CNTN3: variants seen among roughly 807,000 people sequenced by gnomAD.
The protein encoded by CNTN3 is contactin 3.
In CNTN3, 60 loss-of-function variants were observed where a neutral mutation model predicts 119.1. The ratio of observed to expected loss-of-function variants is 0.50; its 90% confidence interval spans 0.41 to 0.62. The LOEUF is 0.62. Ranked by LOEUF, CNTN3 falls within the 20% of genes least tolerant of loss-of-function variation. CNTN3 has a pLI of 0.00. For missense variants in CNTN3, 1,101 were observed against 1,242.4 expected, an observed-to-expected ratio of 0.89 and a Z score of 1.71; for synonymous variants, 450 against 438.7, an observed-to-expected ratio of 1.03 and a Z score of -0.32.
chr3:74,523,092 T>C (rs1204629186), intron 1 of CNTN3, among the ~76,000 whole-genome samples: 3 of 151,796 alleles, frequency 2.0e-5, no homozygotes, highest in Admixed American at 1.3e-4. Flanking sequence ...CCTTCCTTTC[T>C]TCCTTCCTTC....
chr3:74,426,240 GT>G (rs1329669783), intron 4 of CNTN3, among the ~76,000 whole-genome samples: 1 of 152,092 alleles, frequency 6.6e-6, no homozygotes, highest in East Asian at 1.9e-4. Flanking sequence ...GAATTACACC[GT>G]TAATATACTC....
chr3:74,298,094 G>A lies in CNTN3; in HGVS notation c.2264C>T (p.Ser755Phe). The part of the protein sequence containing the change: ...VTTWIQTVVT[S>F]PDTPRYVFRN... Reference sequence around the variant, plus strand: ...AAAGACATATCTTGGGGTGTCAGGGGATGTCACCACTGTCTGGATCCAGGT... The same window carrying A: ...AAAGACATATCTTGGGGTGTCAGGGAATGTCACCACTGTCTGGATCCAGGT... The change falls in exon 18 of 23, where the codon TCC becomes TTC. Residue 755 changes from serine to phenylalanine, a missense_variant. Coordinates refer to ENST00000263665, the MANE Select transcript of CNTN3 (RefSeq NM_020872.3). 6.2e-7 allele frequency: 1 copy of A among 1,613,774 alleles called. No individual in the cohort carries two copies. Among genetic ancestry groups the A allele is most frequent in the South Asian group, 1.1e-5 (1 of 91,058 alleles).
At chr3:74,531,443 T>G (rs1203175100) in intron 1 of CNTN3, among the ~76,000 whole-genome samples, 1 of 151,912 alleles carries the variant, frequency 6.6e-6, no homozygotes. Context: ...ACGGGGGATA[T>G]CACAGCACCA....
chr3:74,579,176 A>G (rs1457380143), intron 1 of CNTN3, among the ~76,000 whole-genome samples: 1 of 117,810 alleles, frequency 8.5e-6, no homozygotes, highest in Non-Finnish European at 1.9e-5. Flanking sequence ...CCATAATGAT[A>G]AAAAAAATCA....
intron 1 of CNTN3, among the ~76,000 whole-genome samples, chr3:74,531,287 GTT>G (rs1298442426): frequency 1.3e-5 from 2 of 151,926 alleles, no homozygotes; most frequent in Non-Finnish European, 2.9e-5. Flanking sequence ...GGCTACCTGA[GTT>G]TTCATCTGCA....
At chr3:74,334,475 AC>A (rs1157539702) in intron 13 of CNTN3, among the ~76,000 whole-genome samples, 34 of 152,356 alleles carry the variant, frequency 2.2e-4, no homozygotes, top group Non-Finnish European at 4.7e-4. Flanking sequence ...CATTAACAAA[AC>A]AAAGTAATGA....
At chr3:74,561,186 TA>T (rs922360158) in intron 1 of CNTN3, among the ~76,000 whole-genome samples, 10 of 148,952 alleles carry the variant, frequency 6.7e-5, no homozygotes, top group African/African-American at 2.3e-4. Flanking sequence ...AAAAAAAAAA[TA>T]AAAAAAAATA....
At chr3:74,344,749 C>T (rs957097315) in intron 11 of CNTN3, among the ~76,000 whole-genome samples, 2 of 152,038 alleles carry the variant, frequency 1.3e-5, no homozygotes, top group African/African-American at 2.4e-5. Context: ...GTTGAGACAC[C>T]GCGCCCGGCC....
rs184775572 is a variant in CNTN3 at position 74,358,076 on chromosome 3, G to A, written c.1364+3814C>T. On this transcript the variant is annotated intron_variant, in intron 11 of 22. Transcript: ENST00000263665. ...GTGGACTTGGAGAAGGTTCAAGTCC[G>A]CAACTTGTTCGATAATTGCTTCTAG... is the stretch of plus-strand genomic sequence containing the variant. Among the ~76,000 whole-genome samples the A allele has an allele frequency of 5.5e-4, 83 of 152,260 alleles. No individual in the cohort carries two copies. In the East Asian group the frequency reaches 0.014, roughly 26 times the overall value.
At chr3:74,464,762 T>A (rs1334439058) in intron 4 of CNTN3, among the ~76,000 whole-genome samples, 1 of 152,214 alleles carries the variant, frequency 6.6e-6, no homozygotes, top group African/African-American at 2.4e-5. Flanking sequence ...AAATCAGTCA[T>A]TTGTGCTGTT....
intron 11 of CNTN3, among the ~76,000 whole-genome samples, chr3:74,359,735 A>G (rs1704038243): frequency 6.6e-6 from 1 of 152,158 alleles, no homozygotes; most frequent in Non-Finnish European, 1.5e-5. Flanking sequence ...GCCTCTACCT[A>G]CTATATTTGC....
At chr3:74,271,321 A>G (rs1363178962) in intron 20 of CNTN3, among the ~76,000 whole-genome samples, 1 of 152,230 alleles carries the variant, frequency 6.6e-6, no homozygotes, top group Non-Finnish European at 1.5e-5. Flanking sequence ...GAAACTTTTC[A>G]TAGAACAGAA....
intron 4 of CNTN3, among the ~76,000 whole-genome samples, chr3:74,447,282 CAT>C (rs1397568211): frequency 6.6e-6 from 1 of 152,134 alleles, no homozygotes; most frequent in Non-Finnish European, 1.5e-5. Context: ...TACTGAACAA[CAT>C]ATGGTGATCC....
At chr3:74,338,904 G>A (rs989962185) in intron 11 of CNTN3, among the ~76,000 whole-genome samples, 2 of 151,852 alleles carry the variant, frequency 1.3e-5, no homozygotes, top group African/African-American at 2.4e-5. Flanking sequence ...AAACAAAAAG[G>A]GACATACCTG....
intron 1 of CNTN3, among the ~76,000 whole-genome samples, chr3:74,610,521 A>G (rs1388219829): frequency 6.6e-6 from 1 of 152,192 alleles, no homozygotes; most frequent in African/African-American, 2.4e-5. Flanking sequence ...CTTGCTAGGA[A>G]TTGTCAAAGG....
At chr3:74,378,453 A>T (rs1055185085) in intron 5 of CNTN3, among the ~76,000 whole-genome samples, 1 of 152,204 alleles carries the variant, frequency 6.6e-6, no homozygotes, top group Non-Finnish European at 1.5e-5. Context: ...ATCCATTCTG[A>T]TTTAGGATAC....
At chr3:74,413,897 C>T (rs1701477601) in intron 5 of CNTN3, among the ~76,000 whole-genome samples, 1 of 152,196 alleles carries the variant, frequency 6.6e-6, no homozygotes, top group South Asian at 2.1e-4. Flanking sequence ...TCTGGGTTTT[C>T]CTTCAGACAG....
intron 1 of CNTN3, among the ~76,000 whole-genome samples, chr3:74,533,157 T>C (rs1008711767): frequency 4.6e-5 from 7 of 152,016 alleles, no homozygotes; most frequent in African/African-American, 1.4e-4. Context: ...TATGTGCCTG[T>C]GGTTGTATTT....
chr3:74,445,513 CACGGCCTCCCAAAA>C (rs1355298942), intron 4 of CNTN3, among the ~76,000 whole-genome samples: 1 of 152,120 alleles, frequency 6.6e-6, no homozygotes, highest in Non-Finnish European at 1.5e-5. Flanking sequence ...ATCCATGTAC[CACGGCCTCCCAAAA>C]TGCTCTTGTT....
Sources: gnomAD v4.1 joint callset for allele counts (sites outside exome capture counted in the v4.1 genomes callset) on GRCh38, gnomAD v4.1.1 for gene constraint, MANE v1.5 for transcripts, NCBI Gene and HGNC (gene_info 2026-07-23, HGNC 2026-07-21) for gene names.